The following ITGA6 variants were observed in gnomAD, a reference collection of about 807,000 sequenced individuals.
ITGA6 encodes integrin alpha-6.
ITGA6 carries 63 observed loss-of-function variants against 133.6 expected under a neutral mutation model. The observed-to-expected ratio is 0.47, with a 90% CI of 0.38 to 0.58. The LOEUF (loss-of-function observed/expected upper bound fraction) is 0.58, where lower values mean the gene tolerates loss of function less well. Among genes scored for constraint, ITGA6 ranks in the 20% least tolerant of loss-of-function variants. The pLI, the probability that ITGA6 is intolerant of heterozygous loss-of-function variation, is 0.00. For missense variants in ITGA6, 1,068 were observed against 1,309.4 expected (o/e 0.82, Z 2.85); for synonymous variants, 434 against 482.0 (o/e 0.90, Z 1.30).
At chr2:172,496,633 T>G (rs1267425080) in intron 23 of ITGA6, among the ~76,000 whole-genome samples, 1 of 148,874 alleles carries the variant, frequency 6.7e-6, no homozygotes, top group Non-Finnish European at 1.5e-5. Context: ...AGTTAAATGC[T>G]CCCCCTGAGT....
intron 19 of ITGA6, 109 bp downstream of exon 19, chr2:172,488,337 T>C: frequency 1.3e-6 from 1 of 790,258 alleles, no homozygotes; most frequent in Non-Finnish European, 2.2e-6. Flanking sequence ...GCATTGTAAG[T>C]AAATCATGAG....
intron 1 of ITGA6, among the ~76,000 whole-genome samples, chr2:172,459,470 C>A (rs1435071712): frequency 1.3e-5 from 2 of 152,168 alleles, no homozygotes; most frequent in African/African-American, 4.8e-5. Context: ...TGCCACTGCA[C>A]TCCAGCCTGG....
At position 172,460,866 on chromosome 2, in the gene ITGA6, C is replaced by A. The variant is rs115899351; in HGVS notation, c.183-4673C>A. Among the ~76,000 whole-genome samples the A allele has an allele frequency of 5.6e-3, 857 of 152,272 alleles. 8 individuals are homozygous for A. Among genetic ancestry groups the A allele is most frequent in the African/African-American group, 0.02 (829 of 41,530 alleles). ...TCTAATGGTGCAATATTTCATGTTT[C>A]CTCTGACCAGCTTGCATAGCTAGGG... is the stretch of plus-strand genomic sequence containing the variant. On this transcript the variant is annotated intron_variant, in intron 1 of 25. Coordinates refer to ENST00000684293, the MANE Select transcript of ITGA6 (RefSeq NM_000210.4).
At chr2:172,478,634 A>C (rs998409127) in intron 9 of ITGA6, among the ~76,000 whole-genome samples, 30 of 152,232 alleles carry the variant, frequency 2.0e-4, no homozygotes, top group Admixed American at 6.5e-5. Flanking sequence ...ATGGTGAACC[A>C]GAGTAGGGCG....
intron 11 of ITGA6, 26 bp from the exon 12 acceptor site, chr2:172,484,756 G>A (rs187022865): frequency 1.7e-4 from 278 of 1,605,190 alleles, no homozygotes; most frequent in Non-Finnish European, 2.2e-4. Context: ...ATGCACTTAC[G>A]TTAATATGAT....
intron 13 of ITGA6, among the ~76,000 whole-genome samples, chr2:172,486,176 CAAA>C (rs67271824): frequency 0.047 from 3,623 of 77,378 alleles, 176 homozygotes; most frequent in African/African-American, 0.15. Context: ...ACTCTATCTC[CAAA>C]AAAAAAAAAA....
Position 172,489,679 on chromosome 2 carries a change from A to G in ITGA6, c.2679+21A>G. 3.1e-6 allele frequency: 5 copies of G among 1,602,164 alleles called. No homozygotes were observed. In the South Asian group the frequency reaches 5.5e-5, roughly 18 times the overall value. ...TAACGGTATGTCGGTAGATTTATCT[A>G]ATGTCTCCATAAATGCAAATTAGAG... On this transcript the variant is annotated intron_variant, in intron 20 of 25. Transcript: ENST00000684293.
At chr2:172,502,017 C>T in intron 25 of ITGA6, 116 bp downstream of exon 25, 2 of 911,530 alleles carry the variant, frequency 2.2e-6, no homozygotes, top group Non-Finnish European at 3.3e-6. Context: ...TCCAAATGTC[C>T]ACACTGGCTT....
At chr2:172,449,985 A>T (rs12052253) in intron 1 of ITGA6, among the ~76,000 whole-genome samples, 7,888 of 151,588 alleles carry the variant, frequency 0.052, 360 homozygotes, top group East Asian at 0.26. Flanking sequence ...AGGAATGTGA[A>T]GGATGCAACC....
At position 172,504,966 on chromosome 2, in the gene ITGA6, C is replaced by T. The variant is rs1687498554; in HGVS notation, c.*898C>T. 1 of 152,512 alleles carries T rather than the reference C, an allele frequency of 6.6e-6. No homozygotes were observed. The highest frequency in any genetic ancestry group is 1.5e-5 in the Non-Finnish European group (1 of 68,022). 9.4% of individuals were successfully genotyped at this position (152,512 alleles called of 1,614,324 possible). ...AACAGGCCAAAGAGTCTCCAGTTTA[C>T]CCTTCAGGTTGGTTTAATCAATCAG... On this transcript the variant is annotated 3_prime_UTR_variant, in exon 26 of 26. Coordinates refer to ENST00000684293, the MANE Select transcript of ITGA6 (RefSeq NM_000210.4).
intron 5 of ITGA6, among the ~76,000 whole-genome samples, chr2:172,471,996 A>T (rs887732538): frequency 6.6e-6 from 1 of 152,214 alleles, no homozygotes. Flanking sequence ...TACATGAATA[A>T]TTTCAAGCAA....
Position 172,475,588 on chromosome 2 carries a change from T to C in ITGA6, c.1181-9T>C, listed in dbSNP as rs1326635819. ...TTGTTAAAATGTTAAAATGTGATGT[T>C]GTCAACAGATATTGCAGTTGGAGCT... On this transcript the variant is annotated splice_polypyrimidine_tract_variant and intron_variant, in intron 7 of 25. Coordinates refer to ENST00000684293, the MANE Select transcript of ITGA6 (RefSeq NM_000210.4). The C allele has an allele frequency of 1.3e-6, 2 of 1,497,152 alleles. No individual in the cohort carries two copies. Among genetic ancestry groups the C allele is most frequent in the Admixed American group, 1.7e-5 (1 of 59,866 alleles). The allele number at this position is 1,497,152 out of a possible 1,614,324, so 92.7% of individuals were successfully genotyped here.
intron 14 of ITGA6, 52 bp downstream of exon 14, chr2:172,487,190 TTTGTG>T: frequency 6.6e-7 from 1 of 1,524,082 alleles, no homozygotes; most frequent in South Asian, 1.1e-5. Flanking sequence ...TCATGGTGGC[TTTGTG>T]TTAAGAAAGT....
chr2:172,469,562 G>A (rs1299084198), intron 4 of ITGA6, among the ~76,000 whole-genome samples, 182 bp downstream of exon 4: 2 of 152,076 alleles, frequency 1.3e-5, no homozygotes, highest in Non-Finnish European at 2.9e-5. Flanking sequence ...ATATGTTTTG[G>A]TGTTGACATT....
At chr2:172,487,194 T>G in intron 14 of ITGA6, 56 bp downstream of exon 14, 4 of 1,528,038 alleles carry the variant, frequency 2.6e-6, no homozygotes, top group East Asian at 2.3e-5. Context: ...GGTGGCTTTG[T>G]GTTAAGAAAG....
chr2:172,479,257 G>T (rs907263520), intron 9 of ITGA6, among the ~76,000 whole-genome samples: 6 of 152,158 alleles, frequency 3.9e-5, no homozygotes, highest in African/African-American at 1.4e-4. Context: ...TGGCAATTAA[G>T]TTCCCATTTA....
chr2:172,463,170 C>T (rs1685503075), intron 1 of ITGA6, among the ~76,000 whole-genome samples: 2 of 152,122 alleles, frequency 1.3e-5, no homozygotes, highest in South Asian at 4.1e-4. Flanking sequence ...TCTTAATCAG[C>T]GTTTGTTGAG....
chr2:172,450,583 A>G (rs1412294292), intron 1 of ITGA6, among the ~76,000 whole-genome samples: 2 of 152,128 alleles, frequency 1.3e-5, no homozygotes, highest in African/African-American at 2.4e-5. Context: ...GACGTGGGAT[A>G]TAAGGGCAAG....
intron 25 of ITGA6, among the ~76,000 whole-genome samples, chr2:172,503,098 CAT>C (rs557614979): frequency 6.4e-4 from 97 of 151,440 alleles, no homozygotes; most frequent in African/African-American, 2.2e-3. Context: ...ATTTTTATAA[CAT>C]AACATCATTC....
Sources: allele counts gnomAD v4.1 joint callset (sites outside exome capture counted in the v4.1 genomes callset), GRCh38; gene constraint gnomAD v4.1.1; transcripts MANE v1.5; gene names NCBI Gene and HGNC (gene_info 2026-07-23, HGNC 2026-07-21).